Variants in KNL1 observed in about 807,000 individuals in gnomAD.
KNL1 encodes the protein kinetochore scaffold 1.
A neutral mutation model predicts 201.3 loss-of-function variants in KNL1; 66 were observed. That is an observed-to-expected ratio of 0.33 (90% confidence interval 0.27 to 0.40). The LOEUF is 0.40. Among genes scored for constraint, KNL1 ranks in the 10% least tolerant of loss-of-function variants. The pLI is 1.00. For missense variants in KNL1, 2,815 were observed against 2,690.5 expected, an observed-to-expected ratio of 1.05 and a Z score of -1.02; for synonymous variants, 895 against 899.2, an observed-to-expected ratio of 1.00 and a Z score of 0.08.
chr15:40,625,528 A>G lies in KNL1; in HGVS notation c.5264A>G (p.Lys1755Arg). The G allele has an allele frequency of 6.2e-7, 1 of 1,610,326 alleles. No individual in the cohort carries two copies. Among genetic ancestry groups the G allele is most frequent in the Non-Finnish European group, 8.5e-7 (1 of 1,179,170 alleles). ...TCACCATATGAAAATAAAATGGGAA[A>G]AACTTGCAATAGCCAAAAAAGAACG... ...EISPYENKMG[K>R]TCNSQKRTWV... is the part of the protein sequence containing the mutation. Residue 1755 changes from lysine to arginine, a missense_variant, in exon 10 of 26, where the codon AAA becomes AGA. Lys to Arg is a conservative substitution (Grantham distance 26). Around this residue, in one of 3 missense-constraint regions of KNL1, gnomAD observed 2,464 missense variants for 2,291.7 expected, o/e 1.08. Coordinates refer to ENST00000399668, the MANE Select transcript of KNL1 (RefSeq NM_144508.5).
chr15:40,654,974 G>A lies in KNL1; in HGVS notation c.6481G>A (p.Asp2161Asn), dbSNP rs1263894312. The change falls in exon 22 of 26, where the codon GAT becomes AAT. Residue 2161 changes from aspartate to asparagine, a missense_variant. Physicochemically the swap from Asp to Asn is conservative, Grantham distance 23. This residue lies in a region of KNL1 where 334 missense variants were observed against 362.6 expected (regional missense o/e 0.92). Coordinates refer to ENST00000399668, the MANE Select transcript of KNL1 (RefSeq NM_144508.5). ...TGATGTCAATTTTCAATCTCTGTTA[G>A]ATGGTAAGTAGAAAACATTTAAGCC... ...IVDVNFQSLL[D>N]EDQAPPSSLL... The A allele has an allele frequency of 1.9e-6, 3 of 1,611,016 alleles. No individual in the cohort carries two copies. The highest frequency in any genetic ancestry group is 2.5e-6 in the Non-Finnish European group (3 of 1,177,888).
chr15:40,622,928 A>C lies in KNL1; in HGVS notation c.2664A>C (p.Leu888Phe). The C allele has an allele frequency of 6.2e-7, 1 of 1,613,320 alleles. No individual in the cohort carries two copies. The highest frequency in any genetic ancestry group is 1.1e-5 in the South Asian group (1 of 91,014). Reference protein sequence around the residue: ...YTIEINHRPLLEKRDCHLVPL... With the variant: ...YTIEINHRPLFEKRDCHLVPL... Reference sequence around the variant, plus strand: ...TAGAAATAAACCATAGACCTTTATTAGAGAAACGTGATTGTCATTTGGTGC... The same window carrying C: ...TAGAAATAAACCATAGACCTTTATTCGAGAAACGTGATTGTCATTTGGTGC... Residue 888 changes from leucine (L) to phenylalanine (F), a missense_variant, in exon 10 of 26, where the codon TTA becomes TTC. This residue lies in a region of KNL1 where 2,464 missense variants were observed against 2,291.7 expected (regional missense o/e 1.08). Coordinates refer to ENST00000399668, the MANE Select transcript of KNL1 (RefSeq NM_144508.5).
Position 40,625,266 on chromosome 15 carries a change from A to G in KNL1, c.5002A>G (p.Ile1668Val). Reference sequence around the variant, plus strand: ...CAAGAGAAATTGTAGTGTCACTGGTATTGATGACCTGGAACAGATTCCAGC... The same window carrying G: ...CAAGAGAAATTGTAGTGTCACTGGTGTTGATGACCTGGAACAGATTCCAGC... The part of the protein sequence containing the change: ...PNKRNCSVTG[I>V]DDLEQIPADT... The change falls in exon 10 of 26, where the codon ATT becomes GTT. Residue 1668 changes from isoleucine (I) to valine (V), a missense_variant. Physicochemically the swap from Ile to Val is conservative, Grantham distance 29 (BLOSUM62 3). Coordinates refer to ENST00000399668, the MANE Select transcript of KNL1 (RefSeq NM_144508.5). 2 of 1,614,136 alleles carry G rather than the reference A, an allele frequency of 1.2e-6. No homozygotes were observed. Among genetic ancestry groups the G allele is most frequent in the Admixed American group, 1.7e-5 (1 of 60,026 alleles).
chr15:40,640,126 C>T (rs1893183381), intron 13 of KNL1, among the ~76,000 whole-genome samples: 1 of 138,562 alleles, frequency 7.2e-6, no homozygotes, highest in African/African-American at 2.8e-5. Flanking sequence ...AGACGGAGTC[C>T]TGCTCTGTTG....
chr15:40,628,057 T>C lies in KNL1; in HGVS notation c.5377-13T>C, dbSNP rs778148825. The C allele has an allele frequency of 6.4e-7, 1 of 1,571,348 alleles. No homozygotes were observed. The highest frequency in any genetic ancestry group is 1.2e-5 in the South Asian group (1 of 84,716). Reference sequence around the variant, plus strand: ...ATTTTATTCTGATGATATTCCTTAATTGACAATTTCAGATTTTTGATCACC... The same window carrying C: ...ATTTTATTCTGATGATATTCCTTAACTGACAATTTCAGATTTTTGATCACC... On this transcript the variant is annotated splice_polypyrimidine_tract_variant and intron_variant, in intron 10 of 25. Transcript: ENST00000399668.
intron 1 of KNL1, among the ~76,000 whole-genome samples, chr15:40,599,748 T>C (rs1891730427): frequency 6.6e-6 from 1 of 151,304 alleles, no homozygotes; most frequent in Admixed American, 6.6e-5. Flanking sequence ...GTTAGTAAGG[T>C]AAATTGCAAG....
chr15:40,594,762 C>T (rs866541037), intron 1 of KNL1, among the ~76,000 whole-genome samples: 2 of 152,226 alleles, frequency 1.3e-5, no homozygotes, highest in African/African-American at 2.4e-5. Flanking sequence ...AGGGACCTCT[C>T]GGCTGTTTGT....
chr15:40,637,336 T>G (rs534442122), intron 13 of KNL1, among the ~76,000 whole-genome samples: 1 of 148,506 alleles, frequency 6.7e-6, no homozygotes, highest in Non-Finnish European at 1.5e-5. Context: ...TTTTTTTTTG[T>G]AAATTAATAT....
Position 40,628,201 on chromosome 15 carries a change from C to T in KNL1, c.5508C>T (p.Asp1836=). The change falls in exon 11 of 26, where the codon GAC becomes GAT. Residue 1836 remains aspartate, a synonymous_variant. Coordinates refer to ENST00000399668, the MANE Select transcript of KNL1 (RefSeq NM_144508.5). ...TCAAGGCTGATGGGACCTCTCTGGA[C>T]TTCAGCAGTAAGAGCTTCATGAAGG... ...DSIKADGTSL[D]FSTYRSSQME... The T allele has an allele frequency of 1.9e-6, 3 of 1,594,872 alleles. No homozygotes were observed. Among genetic ancestry groups the T allele is most frequent in the Middle Eastern group, 3.3e-4 (2 of 5,976 alleles).
At chr15:40,632,547 A>G (rs1892941040) in intron 13 of KNL1, among the ~76,000 whole-genome samples, 1 of 152,068 alleles carries the variant, frequency 6.6e-6, no homozygotes, top group African/African-American at 2.4e-5. Flanking sequence ...ACTTGCAAGG[A>G]GCCAAGATTG....
At chr15:40,614,429 C>A (rs184436146) in intron 7 of KNL1, among the ~76,000 whole-genome samples, 4 of 152,004 alleles carry the variant, frequency 2.6e-5, no homozygotes, top group African/African-American at 9.7e-5. Context: ...AGCGGTGTTT[C>A]ACCATGTCGG....
Position 40,620,655 on chromosome 15 carries a change from C to A in KNL1, c.391C>A (p.His131Asn). 6.3e-7 allele frequency: 1 copy of A among 1,578,750 alleles called. No homozygotes were observed. Among genetic ancestry groups the A allele is most frequent in the Non-Finnish European group, 8.6e-7 (1 of 1,166,686 alleles). Residue 131 changes from histidine to asparagine, a missense_variant, in exon 10 of 26, where the codon CAT becomes AAT. His to Asn is a moderately conservative substitution (Grantham distance 68). Transcript: ENST00000399668. ...MQQKEFSIIE[H>N]TRERKHANDQ... Reference sequence around the variant, plus strand: ...TTCATTATAGTTTTCAATTATAGAACATACCCGTGAAAGGAAACATGCAAA... The same window carrying A: ...TTCATTATAGTTTTCAATTATAGAAAATACCCGTGAAAGGAAACATGCAAA...
rs1450238381 is a variant in KNL1 at position 40,628,713 on chromosome 15, A to G, written c.5583+35A>G. The G allele has an allele frequency of 3.6e-6, 5 of 1,401,440 alleles. No homozygotes were observed. The African/African-American group carries it at 4.3e-5, about 12-fold the overall frequency. The allele number at this position is 1,401,440 out of a possible 1,614,324, so 86.8% of individuals were successfully genotyped here. On this transcript the variant is annotated intron_variant, in intron 12 of 25. Transcript: ENST00000399668. The stretch of plus-strand genomic sequence containing the variant: ...AATTCTTTTTCTTTTTTTTATTTAT[A>G]AAGAAAAGAGGTTTAAACGTCTCAT...
intron 13 of KNL1, among the ~76,000 whole-genome samples, chr15:40,634,948 C>T (rs948926965): frequency 3.3e-5 from 5 of 151,760 alleles, no homozygotes; most frequent in South Asian, 4.2e-4. Flanking sequence ...CAGGGTACTT[C>T]GGGAAAGAAG....
intron 6 of KNL1, 90 bp downstream of exon 6, chr15:40,610,387 C>G: frequency 1.4e-6 from 1 of 731,870 alleles, no homozygotes; most frequent in Middle Eastern, 2.7e-4. Flanking sequence ...AACTTATTGT[C>G]TATCTTATTG....
chr15:40,608,810 T>A, intron 4 of KNL1, 37 bp from the exon 5 acceptor site: 1 of 1,462,740 alleles, frequency 6.8e-7, no homozygotes, highest in East Asian at 2.3e-5. Flanking sequence ...TCACAGTGAT[T>A]TTATTAAGAA....
chr15:40,663,980 T>C lies in KNL1; in HGVS notation c.*1792T>C, dbSNP rs1413550560. On this transcript the variant is annotated 3_prime_UTR_variant, in exon 26 of 26. Transcript: ENST00000399668. ...CTCATTTGCCATAAAAATCAAGATA[T>C]AGATGTTCTGTTCCGTAAACTCCTT... 5.3e-6 allele frequency: 1 copy of C among 187,734 alleles called. No individual in the cohort carries two copies. Among genetic ancestry groups the C allele is most frequent in the Non-Finnish European group, 1.1e-5 (1 of 89,098 alleles). The allele number at this position is 187,734 out of a possible 1,614,324, so 11.6% of individuals were successfully genotyped here. A position where few individuals can be genotyped will look rare whatever the true frequency, so the allele number is the denominator to read the frequency against.
intron 10 of KNL1, among the ~76,000 whole-genome samples, chr15:40,626,462 C>T (rs1892756525): frequency 6.6e-6 from 1 of 151,880 alleles, no homozygotes; most frequent in South Asian, 2.1e-4. Flanking sequence ...TGAGCCACCA[C>T]GTCCAGCCTG....
intron 1 of KNL1, among the ~76,000 whole-genome samples, chr15:40,599,151 AGAG>A (rs1216440658): frequency 2.6e-5 from 4 of 151,452 alleles, no homozygotes; most frequent in Non-Finnish European, 5.9e-5. Flanking sequence ...CTTTAAAAAA[AGAG>A]TATTTTTCAA....
Sources: gnomAD v4.1 joint callset for allele counts (sites outside exome capture counted in the v4.1 genomes callset) on GRCh38, gnomAD v4.1.1 for gene constraint, gnomAD v4.1.1 regional missense constraint, MANE v1.5 for transcripts, NCBI Gene and HGNC (gene_info 2026-07-23, HGNC 2026-07-21) for gene names.